The following CEMIP variants were observed in gnomAD, a reference collection of about 807,000 sequenced individuals.
The protein encoded by CEMIP is cell migration-inducing and hyaluronan-binding protein.
In CEMIP, 105 loss-of-function variants were observed where a neutral mutation model predicts 156.9. The observed-to-expected ratio is 0.67, with a 90% CI of 0.57 to 0.79. The LOEUF (loss-of-function observed/expected upper bound fraction) is 0.79, where lower values mean the gene tolerates loss of function less well. CEMIP is among the 30% of genes least tolerant of loss of function. CEMIP has a pLI of 0.00. For synonymous variants in CEMIP, 676 were observed against 668.4 expected (o/e 1.01, Z -0.17); for missense variants, 1,457 against 1,769.4 (o/e 0.82, Z 3.17).
rs2271159 is a variant in CEMIP, at chr15:80,887,585, G to T, written c.798-109G>T. 0.29 allele frequency: 224,561 copies of T among 779,542 alleles called. 34,299 individuals carry two copies. The highest frequency in any genetic ancestry group is 0.43 in the East Asian group (16,428 of 37,772). The allele number at this position is 779,542 out of a possible 1,614,324, so 48.3% of individuals were successfully genotyped here. On this transcript the variant is annotated intron_variant, in intron 7 of 29. Transcript: ENST00000394685. ...GAATTTCCCCCAAACAGCAGGGAGG[G>T]ACCCTCCTTCACCTGACGCTGCTTC...
rs989536501 is a variant in CEMIP at position 80,884,386 on chromosome 15, T to C, written c.797+32T>C. 3.7e-6 allele frequency: 6 copies of C among 1,605,376 alleles called. 1 individual carries two copies. Among genetic ancestry groups the C allele is most frequent in the Middle Eastern group, 1.8e-4 (1 of 5,620 alleles). On this transcript the variant is annotated intron_variant, in intron 7 of 29. Coordinates refer to ENST00000394685, the MANE Select transcript of CEMIP (RefSeq NM_001293298.2). ...CCCCTCACTTCGGCTTCCACTGGGCTCTGGAACATTGAAGCCACTCTATCC... is the reference window on the plus strand; with the variant it reads ...CCCCTCACTTCGGCTTCCACTGGGCCCTGGAACATTGAAGCCACTCTATCC...
intron 5 of CEMIP, 76 bp downstream of exon 5, chr15:80,879,930 A>G (rs1898592460): frequency 6.4e-7 from 1 of 1,561,490 alleles, no homozygotes; most frequent in South Asian, 1.1e-5. Context: ...ACAGAGAGAG[A>G]GGCAAGAGGG....
rs1263446320 is a variant in CEMIP at position 80,932,393 on chromosome 15, G to A, written c.2793+354G>A. The stretch of plus-strand genomic sequence containing the variant: ...ACCAGGCCACCTGAGTTGGCACAAA[G>A]AATCTAACAAGCCCCACAGTTTCCA... On this transcript the variant is annotated intron_variant, in intron 22 of 29. Coordinates refer to ENST00000394685, the MANE Select transcript of CEMIP (RefSeq NM_001293298.2). The surrounding 1 kb of genome is among the most constrained non-coding windows in gnomAD (Gnocchi z 4.5). Among the ~76,000 whole-genome samples, 2 of 152,178 alleles carry A rather than the reference G, an allele frequency of 1.3e-5. No homozygotes were observed. Among genetic ancestry groups the A allele is most frequent in the Non-Finnish European group, 2.9e-5 (2 of 68,038 alleles).
rs370674635 is a variant in CEMIP at position 80,936,827 on chromosome 15, A to G, written c.3163A>G (p.Ile1055Val). The change falls in exon 24 of 30, where the codon ATC (isoleucine) becomes GTC (valine). Residue 1055 changes from isoleucine to valine, a missense_variant. By Grantham distance (29) the Ile-to-Val change is conservative. Around this residue, in one of 5 missense-constraint regions of CEMIP, gnomAD observed 798 missense variants for 980.1 expected, o/e 0.81. Transcript: ENST00000394685. Reference sequence around the variant, plus strand: ...TGTCACCCTGCAGAAGGGCTACACCATCCACTGGGACCAGACGGCCCCCGC... The same window carrying G: ...TGTCACCCTGCAGAAGGGCTACACCGTCCACTGGGACCAGACGGCCCCCGC... ...PVVTLQKGYT[I>V]HWDQTAPAEL... is the part of the protein sequence containing the mutation. 9.9e-6 allele frequency: 16 copies of G among 1,614,066 alleles called. No homozygotes were observed. The highest frequency in any genetic ancestry group is 1.4e-5 in the Non-Finnish European group (16 of 1,180,060).
At chr15:80,909,368 G>A in intron 14 of CEMIP, 62 bp downstream of exon 14, 1 of 1,538,524 alleles carries the variant, frequency 6.5e-7, no homozygotes. Context: ...GCACTGGAGG[G>A]GTGTTTGGAT....
intron 19 of CEMIP, among the ~76,000 whole-genome samples, chr15:80,927,430 G>T (rs1900737635): frequency 6.6e-6 from 1 of 152,164 alleles, no homozygotes; most frequent in African/African-American, 2.4e-5. Context: ...TGGAAGCCCT[G>T]GGTTGAAGAG....
Position 80,926,438 on chromosome 15 carries a change from A to C in CEMIP, c.2420+683A>C, listed in dbSNP as rs189166251. ...TTTGTGTTAAAAATGGGAAATCAGA[A>C]ACCTATTAGGAAATAAACATATTTC... On this transcript the variant is annotated intron_variant, in intron 19 of 29. Transcript: ENST00000394685. Among the ~76,000 whole-genome samples the C allele has an allele frequency of 6.4e-4, 97 of 152,376 alleles. 1 individual carries two copies. In the Middle Eastern group the frequency reaches 0.017, roughly 27 times the overall value.
chr15:80,894,876 G>A, intron 10 of CEMIP, 114 bp from the exon 11 acceptor site: 2 of 1,298,840 alleles, frequency 1.5e-6, no homozygotes, highest in Non-Finnish European at 2.2e-6. Context: ...TGTAAATAGT[G>A]TTGCAGCAGG....
At chr15:80,891,902 C>T (rs1899043232) in intron 10 of CEMIP, among the ~76,000 whole-genome samples, 1 of 152,316 alleles carries the variant, frequency 6.6e-6, no homozygotes, top group East Asian at 1.9e-4. Flanking sequence ...GCCAGTCTTT[C>T]CTATGCTCAC....
At chr15:80,914,489 C>T (rs1329338352) in intron 14 of CEMIP, among the ~76,000 whole-genome samples, 1 of 152,188 alleles carries the variant, frequency 6.6e-6, no homozygotes, top group African/African-American at 2.4e-5. Context: ...CCAGGGGTGC[C>T]ATCTATATGG....
intron 3 of CEMIP, among the ~76,000 whole-genome samples, chr15:80,877,292 C>A (rs1253853408): frequency 2.6e-5 from 4 of 152,180 alleles, no homozygotes; most frequent in African/African-American, 9.7e-5. Context: ...TCAAGAGACA[C>A]CTTCTTTGCT....
chr15:80,800,512 CTGT>C (rs1421469494), intron 1 of CEMIP, among the ~76,000 whole-genome samples: 1 of 152,184 alleles, frequency 6.6e-6, no homozygotes, highest in South Asian at 2.1e-4. Flanking sequence ...TACTTTTAAA[CTGT>C]TGGTATTTCT....
rs563916575 is a variant in CEMIP at position 80,889,950 on chromosome 15, G to T, written c.1086+358G>T. 4.6e-5 allele frequency among the ~76,000 whole-genome samples: 7 copies of T among 152,338 alleles called. No homozygotes were observed. In the South Asian group the frequency reaches 1.0e-3, roughly 23 times the overall value. The stretch of plus-strand genomic sequence containing the variant: ...GCACAGGATGCAGCTAGGATTTGGG[G>T]TGCAGGCCAGGCCAGCCCAGATGGA... On this transcript the variant is annotated intron_variant, in intron 10 of 29. Coordinates refer to ENST00000394685, the MANE Select transcript of CEMIP (RefSeq NM_001293298.2).
chr15:80,799,315 G>C (rs1896315528), intron 1 of CEMIP, among the ~76,000 whole-genome samples: 1 of 152,246 alleles, frequency 6.6e-6, no homozygotes, highest in Non-Finnish European at 1.5e-5. Flanking sequence ...TCCCTGCGCA[G>C]CACTGGTTAG....
At chr15:80,918,425 A>G (rs935676295) in intron 14 of CEMIP, among the ~76,000 whole-genome samples, 1 of 152,182 alleles carries the variant, frequency 6.6e-6, no homozygotes, top group Non-Finnish European at 1.5e-5. Flanking sequence ...GGTTGTCACA[A>G]CTGAAGGGGT....
chr15:80,835,658 T>C (rs953594492), intron 1 of CEMIP, among the ~76,000 whole-genome samples: 1 of 152,242 alleles, frequency 6.6e-6, no homozygotes, highest in Admixed American at 6.5e-5. Context: ...TCATTACAGA[T>C]TGGAAATGTC....
At chr15:80,873,840 T>C in intron 2 of CEMIP, 24 bp from the exon 3 acceptor site, 1 of 1,528,848 alleles carries the variant, frequency 6.5e-7, no homozygotes. Flanking sequence ...GCTGCATGTC[T>C]GACTCTGTGT....
Position 80,920,191 on chromosome 15 carries a change from T to C in CEMIP, c.1895T>C (p.Leu632Pro). The change falls in exon 15 of 30, where the codon CTT becomes CCT. Residue 632 changes from leucine to proline, a missense_variant. Around this residue, in one of 5 missense-constraint regions of CEMIP, gnomAD observed 798 missense variants for 980.1 expected, o/e 0.81. Coordinates refer to ENST00000394685, the MANE Select transcript of CEMIP (RefSeq NM_001293298.2). ...RNTFDHCLGL[L>P]VKSGTLLPSD... ...ACTTTTGACCACTGTCTTGGCCTCC[T>C]TGTCAAGTCTGGAACCCTCCTCCCC... 2 of 1,614,200 alleles carry C rather than the reference T, an allele frequency of 1.2e-6. No individual in the cohort carries two copies. The highest frequency in any genetic ancestry group is 1.7e-6 in the Non-Finnish European group (2 of 1,180,044).
chr15:80,816,294 A>G (rs1411612380), intron 1 of CEMIP, among the ~76,000 whole-genome samples: 1 of 152,118 alleles, frequency 6.6e-6, no homozygotes. Flanking sequence ...TAGGCTAGCT[A>G]CCACTCACAG....
Sources: allele counts gnomAD v4.1 joint callset (sites outside exome capture counted in the v4.1 genomes callset), GRCh38; gene constraint gnomAD v4.1.1; regional missense constraint gnomAD v4.1.1; non-coding constraint Gnocchi (gnomAD v3.1); transcripts MANE v1.5; gene names NCBI Gene and HGNC (gene_info 2026-07-23, HGNC 2026-07-21).